Variants in OPN3 observed in about 807,000 individuals in gnomAD.
OPN3 encodes the protein opsin-3.
Under a neutral mutation model 33.8 loss-of-function variants are expected in OPN3, and 29 were observed. The observed-to-expected ratio is 0.86, with a 90% CI of 0.64 to 1.17. The LOEUF is 1.17. Ranked by LOEUF, OPN3 falls within the 50% of genes most tolerant of loss-of-function variation. OPN3 has a pLI of 0.00. For missense variants in OPN3, 437 were observed against 514.1 expected (o/e 0.85, Z 1.45); for synonymous variants, 216 against 216.1 (o/e 1.00, Z 0.00).
intron 1 of OPN3, chr1:241,632,468 T>C (rs1041969697): frequency 2.0e-5 from 3 of 152,076 alleles, no homozygotes; most frequent in African/African-American, 7.2e-5. Context: ...GAGCAAAAAC[T>C]GTCACAGGGA....
chr1:241,598,377 A>G (rs755201932), intron 2 of OPN3, among the ~76,000 whole-genome samples: 1 of 152,240 alleles, frequency 6.6e-6, no homozygotes, highest in Admixed American at 6.5e-5. Context: ...TGGAAACTCT[A>G]TAGAGTGTTA....
At chr1:241,632,901 C>T (rs899344201) in intron 1 of OPN3, 2 of 152,058 alleles carry the variant, frequency 1.3e-5, no homozygotes, top group Non-Finnish European at 2.9e-5. Context: ...CCTAAGAATT[C>T]CTCCTTAGGA....
chr1:241,625,203 A>C (rs561930037), intron 1 of OPN3, among the ~76,000 whole-genome samples: 1 of 152,326 alleles, frequency 6.6e-6, no homozygotes, highest in African/African-American at 2.4e-5. Context: ...GTTAACACCC[A>C]TCTATAAAAT....
At chr1:241,636,630 A>C (rs956832108) in intron 1 of OPN3, among the ~76,000 whole-genome samples, 3 of 152,244 alleles carry the variant, frequency 2.0e-5, no homozygotes, top group African/African-American at 7.2e-5. Flanking sequence ...GGATTAATTC[A>C]GTAAAACAAC....
At chr1:241,635,349 G>A in intron 1 of OPN3, 2 of 1,613,944 alleles carry the variant, frequency 1.2e-6, no homozygotes, top group Non-Finnish European at 1.7e-6. Flanking sequence ...CTTTCTTCAG[G>A]TAATGCAGAA....
chr1:241,635,728 T>G, intron 1 of OPN3: 1 of 1,613,698 alleles, frequency 6.2e-7, no homozygotes, highest in Non-Finnish European at 8.5e-7. Context: ...CTGTCCCTAT[T>G]ATAACCACAT....
At chr1:241,634,821 C>T (rs1266632076) in intron 1 of OPN3, 1 of 1,613,308 alleles carries the variant, frequency 6.2e-7, no homozygotes, top group Non-Finnish European at 8.5e-7. Context: ...TGCCTGAAAG[C>T]TTGGTATTCA....
At chr1:241,614,190 A>G (rs1413456641) in intron 1 of OPN3, 1 of 152,026 alleles carries the variant, frequency 6.6e-6, no homozygotes, top group Non-Finnish European at 1.5e-5. Flanking sequence ...AAAAATTATG[A>G]TTTCAGGTAA....
intron 1 of OPN3, chr1:241,631,496 T>A (rs1267934592): frequency 6.6e-6 from 1 of 152,186 alleles, no homozygotes; most frequent in African/African-American, 2.4e-5. Context: ...AGTTTAAATA[T>A]GACTTTTACT....
chr1:241,624,774 G>C (rs985518576), intron 1 of OPN3, among the ~76,000 whole-genome samples: 1 of 152,158 alleles, frequency 6.6e-6, no homozygotes, highest in African/African-American at 2.4e-5. Context: ...ACCTCTGAAG[G>C]CACCACATCA....
chr1:241,625,849 A>G (rs1174333483), intron 1 of OPN3, among the ~76,000 whole-genome samples: 1 of 152,148 alleles, frequency 6.6e-6, no homozygotes, highest in African/African-American at 2.4e-5. Flanking sequence ...GGGCTGGATA[A>G]TTCTTTGTTA....
At chr1:241,622,689 T>C (rs1664297182) in intron 1 of OPN3, among the ~76,000 whole-genome samples, 1 of 152,236 alleles carries the variant, frequency 6.6e-6, no homozygotes, top group African/African-American at 2.4e-5. Flanking sequence ...CCCAGCCTCT[T>C]TGCAATGGTA....
intron 1 of OPN3, among the ~76,000 whole-genome samples, chr1:241,623,870 A>T (rs985294484): frequency 6.6e-6 from 1 of 152,186 alleles, no homozygotes; most frequent in East Asian, 1.9e-4. Context: ...CCTTTGAAAC[A>T]TAAGTCTTAT....
chr1:241,607,491 G>A (rs1364415527), intron 1 of OPN3, among the ~76,000 whole-genome samples: 1 of 151,830 alleles, frequency 6.6e-6, no homozygotes, highest in Non-Finnish European at 1.5e-5. Context: ...TCCAGCCTGG[G>A]CGATGGAGCA....
intron 1 of OPN3, chr1:241,634,630 C>G: frequency 3.1e-6 from 5 of 1,613,826 alleles, no homozygotes; most frequent in Non-Finnish European, 3.4e-6. Context: ...CTTGGCCATA[C>G]AAGGGAAATA....
intron 1 of OPN3, among the ~76,000 whole-genome samples, chr1:241,625,608 T>C (rs577167848): frequency 1.6e-4 from 25 of 152,254 alleles, no homozygotes; most frequent in African/African-American, 6.0e-4. Context: ...TTGGAATCTG[T>C]GTTATAATAA....
At chr1:241,602,860 A>C (rs1663712289) in intron 2 of OPN3, among the ~76,000 whole-genome samples, 1 of 152,196 alleles carries the variant, frequency 6.6e-6, no homozygotes, top group South Asian at 2.1e-4. Context: ...TTCAGTCTAT[A>C]ACAGCAAGAA....
intron 3 of OPN3, among the ~76,000 whole-genome samples, chr1:241,596,522 C>G (rs919723908): frequency 1.3e-5 from 2 of 152,022 alleles, no homozygotes; most frequent in African/African-American, 4.8e-5. Context: ...CAATAATACT[C>G]AAAGAGAAGG....
intron 2 of OPN3, among the ~76,000 whole-genome samples, chr1:241,598,529 C>G (rs935387616): frequency 1.3e-5 from 2 of 152,120 alleles, no homozygotes; most frequent in Admixed American, 1.3e-4. Flanking sequence ...CTGCTAATGA[C>G]TGTAAAGTAG....
Sources: allele counts gnomAD v4.1 joint callset (sites outside exome capture counted in the v4.1 genomes callset), GRCh38; gene constraint gnomAD v4.1.1; transcripts MANE v1.5; gene names NCBI Gene and HGNC (gene_info 2026-07-23, HGNC 2026-07-21).